Variants in ARHGEF18 observed in about 807,000 individuals in gnomAD.
The protein encoded by ARHGEF18 is Rho/Rac guanine nucleotide exchange factor 18, also known as rho guanine nucleotide exchange factor 18.
ARHGEF18 carries 93 observed loss-of-function variants against 155.7 expected under a neutral mutation model. The ratio of observed to expected loss-of-function variants is 0.60; its 90% confidence interval spans 0.50 to 0.71. The LOEUF (loss-of-function observed/expected upper bound fraction) is 0.71, where lower values mean the gene tolerates loss of function less well. ARHGEF18 is among the 30% of genes least tolerant of loss of function. The probability of loss-of-function intolerance (pLI) is 0.00; values close to 1 mark genes in which losing one functional copy is unlikely to be tolerated. For synonymous variants in ARHGEF18, 742 were observed against 753.1 expected, an observed-to-expected ratio of 0.99 and a Z score of 0.24; for missense variants, 1,593 against 1,816.1, an observed-to-expected ratio of 0.88 and a Z score of 2.23.
intron 23 of ARHGEF18, among the ~76,000 whole-genome samples, chr19:7,465,151 C>T (rs974600128): frequency 1.6e-4 from 25 of 152,222 alleles, no homozygotes; most frequent in Admixed American, 1.5e-3. Flanking sequence ...GGACTTGCCC[C>T]TGTGGCCAGA....
rs922135452 is a variant in ARHGEF18, at chr19:7,469,969, C to T, written c.3853C>T (p.Arg1285Trp). 19 of 1,612,980 alleles carry T rather than the reference C, an allele frequency of 1.2e-5. No individual in the cohort carries two copies. The highest frequency in any genetic ancestry group is 1.6e-4 in the Middle Eastern group (1 of 6,082). The change falls in exon 28 of 29, where the codon CGG (arginine) becomes TGG (tryptophan). Residue 1285 changes from arginine (R) to tryptophan (W), a missense_variant. Coordinates refer to ENST00000668164, the MANE Select transcript of ARHGEF18 (RefSeq NM_001367823.1). ...KLMGKDESTS[R>W]NRRSLSPILP... ...CATGGGGAAAGATGAGAGCACCTCA[C>T]GGAACCGCCGCTCGCTGAGCCCTAT...
intron 10 of ARHGEF18, among the ~76,000 whole-genome samples, chr19:7,439,437 T>TGAGA (rs1473736583): frequency 6.6e-6 from 1 of 151,944 alleles, no homozygotes. Context: ...TGAGCTAGAG[T>TGAGA]GAGACTGTCT....
At position 7,444,846 on chromosome 19, in the gene ARHGEF18, C is replaced by T. The variant is rs934147191; in HGVS notation, c.1611+392C>T. 3.3e-4 allele frequency among the ~76,000 whole-genome samples: 50 copies of T among 152,162 alleles called. No homozygotes were observed. Among genetic ancestry groups the T allele is most frequent in the African/African-American group, 1.1e-3 (47 of 41,518 alleles). ...AAGAGATGGGGTCTTGCTTTGTTGC[C>T]CAGGCTAGTCTCAAATTCCTGGCTT... On this transcript the variant is annotated intron_variant, in intron 14 of 28. Transcript: ENST00000668164. This position sits in a 1 kb window ranked among gnomAD's most constrained non-coding sequence, Gnocchi z 4.7.
chr19:7,453,357 A>G (rs570122538), intron 16 of ARHGEF18, 110 bp from the exon 17 acceptor site: 31 of 1,351,970 alleles, frequency 2.3e-5, no homozygotes, highest in Admixed American at 7.3e-5. Flanking sequence ...ACGCCCATAC[A>G]TAGTGTGTCC....
chr19:7,373,033 C>T lies in ARHGEF18; in HGVS notation c.237C>T (p.Ser79=), dbSNP rs1970272873. ...AGSQDLSRRR[S]WERSRSCSES... is the part of the protein sequence containing the mutation. ...CCCAAGACCTGTCAAGGCGGCGCAGCTGGGAAAGGTCGCGGAGCTGCTCAG... is the reference window on the plus strand; with the variant it reads ...CCCAAGACCTGTCAAGGCGGCGCAGTTGGGAAAGGTCGCGGAGCTGCTCAG... Residue 79 remains serine, a synonymous_variant, in exon 3 of 29, where the codon AGC becomes AGT. Transcript: ENST00000668164. The T allele has an allele frequency of 1.6e-6, 2 of 1,234,428 alleles. No homozygotes were observed. The highest frequency in any genetic ancestry group is 8.2e-5 in the South Asian group (2 of 24,418). 76.5% of individuals were successfully genotyped at this position (1,234,428 alleles called of 1,614,324 possible).
At chr19:7,479,512 G>A in the ARHGEF18 span, among the ~76,000 whole-genome samples, 42 of 152,258 alleles carry the variant, frequency 2.8e-4, no homozygotes, top group African/African-American at 8.7e-4. Context: ...CCTGGGCGCC[G>A]GACCCAGGCA....
chr19:7,469,692 C>T (rs900596042), intron 27 of ARHGEF18, among the ~76,000 whole-genome samples: 3 of 152,168 alleles, frequency 2.0e-5, no homozygotes, highest in African/African-American at 7.2e-5. Flanking sequence ...CTCCAGATGC[C>T]GGGTGACTCT....
intron 10 of ARHGEF18, among the ~76,000 whole-genome samples, chr19:7,422,074 A>G (rs1217630431): frequency 1.3e-5 from 2 of 151,810 alleles, no homozygotes; most frequent in African/African-American, 4.8e-5. Context: ...TGCCTTCCTT[A>G]AGGGCTTTGT....
intron 10 of ARHGEF18, among the ~76,000 whole-genome samples, chr19:7,437,000 T>C (rs1237059057): frequency 6.6e-6 from 1 of 152,226 alleles, no homozygotes; most frequent in Admixed American, 6.5e-5. Flanking sequence ...CTACTGAGTA[T>C]ATGTGCAATG....
chr19:7,465,492 CT>C (rs1008459829), intron 23 of ARHGEF18, among the ~76,000 whole-genome samples: 5 of 151,182 alleles, frequency 3.3e-5, no homozygotes, highest in African/African-American at 1.2e-4. Context: ...CACACAGCCT[CT>C]AACTCCTAGG....
rs555428389 is a variant in ARHGEF18, at chr19:7,391,505, C to T, written c.967+8302C>T. On this transcript the variant is annotated intron_variant, in intron 10 of 28. Transcript: ENST00000668164. The stretch of plus-strand genomic sequence containing the variant: ...TCCCACTACTCAGGTTCTCCGGACT[C>T]CACGGCCCAGTCACCCTGAAGTCTC... 1.4e-4 allele frequency among the ~76,000 whole-genome samples: 21 copies of T among 152,278 alleles called. No homozygotes were observed. In the East Asian group the frequency reaches 4.1e-3, roughly 29 times the overall value.
intron 10 of ARHGEF18, among the ~76,000 whole-genome samples, chr19:7,385,915 C>CCTCTCT (rs150705901): frequency 5.9e-5 from 2 of 33,724 alleles, no homozygotes; most frequent in African/African-American, 5.6e-4. Context: ...TCCCTCTCTC[C>CCTCTCT]CTCTCTCTCT....
rs959370544 is a variant in ARHGEF18, at chr19:7,458,524, C to T, written c.2194C>T (p.Pro732Ser). The change falls in exon 19 of 29, where the codon CCC becomes TCC. Residue 732 changes from proline (P) to serine (S), a missense_variant. Coordinates refer to ENST00000668164, the MANE Select transcript of ARHGEF18 (RefSeq NM_001367823.1). ...YVFASVDSKP[P>S]VISLQKLIVR... ...TCTACTCATGCAGGACTCAAAGCCA[C>T]CCGTCATCTCGTTACAAAAGCTCAT... 18 of 1,613,906 alleles carry T rather than the reference C, an allele frequency of 1.1e-5. No individual in the cohort carries two copies. The highest frequency in any genetic ancestry group is 1.4e-5 in the Non-Finnish European group (17 of 1,179,976).
At chr19:7,349,876 T>A (rs1281177258) in intron 1 of ARHGEF18, among the ~76,000 whole-genome samples, 1 of 152,118 alleles carries the variant, frequency 6.6e-6, no homozygotes, top group African/African-American at 2.4e-5. Context: ...CATCTTAAAC[T>A]GCAGATTCCG....
chr19:7,357,258 G>A (rs994309573), intron 1 of ARHGEF18, among the ~76,000 whole-genome samples: 2 of 152,160 alleles, frequency 1.3e-5, no homozygotes, highest in African/African-American at 2.4e-5. Flanking sequence ...GGTGGATGGC[G>A]ATCCTGAAGA....
chr19:7,395,261 C>T lies in ARHGEF18; in HGVS notation c.967+12058C>T. On this transcript the variant is annotated intron_variant, in intron 10 of 28. Transcript: ENST00000668164. The surrounding 1 kb of genome is among the most constrained non-coding windows in gnomAD (Gnocchi z 5.0). ...GATCGGGCCGAGGTGAGGACGGCGGCGGGGCGGTCCCGAGGAAAACGGGGC... is the reference window on the plus strand; with the variant it reads ...GATCGGGCCGAGGTGAGGACGGCGGTGGGGCGGTCCCGAGGAAAACGGGGC... 1.0e-6 allele frequency: 1 copy of T among 986,114 alleles called. No homozygotes were observed. Among genetic ancestry groups the T allele is most frequent in the Non-Finnish European group, 1.2e-6 (1 of 830,528 alleles). 61.1% of individuals were successfully genotyped at this position (986,114 alleles called of 1,614,324 possible).
rs116813381 is a variant in ARHGEF18 at position 7,387,453 on chromosome 19, T to C, written c.967+4250T>C. Among the ~76,000 whole-genome samples the C allele has an allele frequency of 7.8e-3, 1,188 of 152,062 alleles. 25 individuals carry two copies. Among genetic ancestry groups the C allele is most frequent in the African/African-American group, 0.026 (1,081 of 41,520 alleles). ...AGGCGTGAGCCACCGCGCCCAGCGC[T>C]GTTTTTTGTTTTTTGAGTTTTTTTG... is the stretch of plus-strand genomic sequence containing the variant. On this transcript the variant is annotated intron_variant, in intron 10 of 28. Transcript: ENST00000668164.
chr19:7,378,584 C>T (rs1970571632), intron 6 of ARHGEF18, 133 bp downstream of exon 6: 3 of 617,516 alleles, frequency 4.9e-6, no homozygotes, highest in Non-Finnish European at 7.0e-6. Flanking sequence ...TCCCACTAGT[C>T]CCCCCATAAC....
Position 7,424,943 on chromosome 19 carries a change from G to A in ARHGEF18, c.968-15401G>A, listed in dbSNP as rs541981877. Among the ~76,000 whole-genome samples the A allele has an allele frequency of 1.4e-3, 219 of 151,472 alleles. 1 individual carries two copies. Among genetic ancestry groups the A allele is most frequent in the Middle Eastern group, 6.9e-3 (2 of 290 alleles). ...CGGGAGGCAGAGGTTGCAGTGAGCC[G>A]AGATCACGCCACTGCACTCCAGCCT... On this transcript the variant is annotated intron_variant, in intron 10 of 28. Transcript: ENST00000668164.
Sources: allele counts gnomAD v4.1 joint callset (sites outside exome capture counted in the v4.1 genomes callset), GRCh38; gene constraint gnomAD v4.1.1; non-coding constraint Gnocchi (gnomAD v3.1); transcripts MANE v1.5; gene names NCBI Gene and HGNC (gene_info 2026-07-23, HGNC 2026-07-21).